NCKAP5: variants seen among roughly 807,000 people sequenced by gnomAD.
NCKAP5 encodes the protein nck-associated protein 5.
Under a neutral mutation model 167.0 loss-of-function variants are expected in NCKAP5, and 92 were observed. The observed-to-expected ratio is 0.55, with a 90% confidence interval of 0.47 to 0.66. NCKAP5 has a LOEUF of 0.66. NCKAP5 is among the 30% of genes least tolerant of loss of function. The probability of loss-of-function intolerance (pLI) is 0.00; values close to 1 mark genes in which losing one functional copy is unlikely to be tolerated. For missense variants in NCKAP5, 2,378 were observed against 2,315.0 expected (o/e 1.03, Z -0.56); for synonymous variants, 891 against 877.4 (o/e 1.02, Z -0.27).
At chr2:133,307,658 A>G (rs1425549165) in intron 3 of NCKAP5, among the ~76,000 whole-genome samples, 3 of 152,232 alleles carry the variant, frequency 2.0e-5, no homozygotes, top group Admixed American at 6.5e-5. Context: ...TAGCTCCTAT[A>G]TAACAAAGCA....
intron 4 of NCKAP5, among the ~76,000 whole-genome samples, chr2:133,291,753 A>C (rs1679617160): frequency 6.6e-6 from 1 of 152,134 alleles, no homozygotes; most frequent in African/African-American, 2.4e-5. Context: ...CACCCTCCAA[A>C]AGACGTTTGC....
chr2:132,931,397 C>A (rs868022697), intron 8 of NCKAP5: 1 of 152,120 alleles, frequency 6.6e-6, no homozygotes. Context: ...TCCCTTCTAC[C>A]ATGTGGCTGC....
At chr2:133,488,467 C>A (rs1681114054) in intron 3 of NCKAP5, among the ~76,000 whole-genome samples, 1 of 152,134 alleles carries the variant, frequency 6.6e-6, no homozygotes, top group African/African-American at 2.4e-5. Context: ...AACTGGGATT[C>A]CAATTTTATA....
intron 6 of NCKAP5, among the ~76,000 whole-genome samples, chr2:133,009,034 C>T (rs1007977396): frequency 6.6e-6 from 1 of 152,154 alleles, no homozygotes; most frequent in African/African-American, 2.4e-5. Flanking sequence ...TGGAGTGTCT[C>T]CTTAGTCCTG....
intron 11 of NCKAP5, among the ~76,000 whole-genome samples, chr2:132,847,062 A>G (rs921224889): frequency 6.6e-6 from 1 of 152,188 alleles, no homozygotes; most frequent in African/African-American, 2.4e-5. Context: ...TACTTTTAAA[A>G]AGTAGGAAAT....
At chr2:133,171,899 A>C (rs760953607) in intron 5 of NCKAP5, among the ~76,000 whole-genome samples, 4 of 152,236 alleles carry the variant, frequency 2.6e-5, no homozygotes, top group Admixed American at 6.5e-5. Context: ...TGGAGAACTA[A>C]TGCTGCTTTG....
rs890078096 is a variant in NCKAP5, at chr2:133,328,343, A to T, written c.70-25233T>A. 7.2e-5 allele frequency among the ~76,000 whole-genome samples: 11 copies of T among 152,220 alleles called. No homozygotes were observed. The South Asian group carries it at 1.0e-3, about 14-fold the overall frequency. On this transcript the variant is annotated intron_variant, in intron 3 of 19. Coordinates refer to ENST00000409261, the MANE Select transcript of NCKAP5 (RefSeq NM_207363.3). ...GCAACAGAGGAAGCAGAATATAGAG[A>T]GAGTTGACATAGACTGGGATTTTTA... is the stretch of plus-strand genomic sequence containing the variant.
the NCKAP5 span, among the ~76,000 whole-genome samples, chr2:133,613,928 A>G: frequency 1.8e-3 from 281 of 152,306 alleles, 5 homozygotes; most frequent in Admixed American, 0.016. Flanking sequence ...GTCCTATATG[A>G]GTCGTTGGAG....
chr2:133,517,407 T>C (rs898286998), intron 3 of NCKAP5, 51 bp downstream of exon 3: 5 of 989,244 alleles, frequency 5.1e-6, no homozygotes, highest in African/African-American at 1.7e-5. Flanking sequence ...CAAAGAATAA[T>C]GCATTCAAAG....
At chr2:132,730,370 CTG>C (rs1217517807) in intron 17 of NCKAP5, among the ~76,000 whole-genome samples, 2 of 152,174 alleles carry the variant, frequency 1.3e-5, no homozygotes, top group Non-Finnish European at 2.9e-5. Flanking sequence ...TGGCACATGA[CTG>C]TAATTCCAGC....
At chr2:133,587,218 T>C in the NCKAP5 span, among the ~76,000 whole-genome samples, 5 of 152,192 alleles carry the variant, frequency 3.3e-5, no homozygotes, top group African/African-American at 1.2e-4. Flanking sequence ...TTGCCAGGGC[T>C]GGAATGCTGG....
chr2:133,001,058 A>G (rs1451921717), intron 6 of NCKAP5, among the ~76,000 whole-genome samples: 1 of 152,142 alleles, frequency 6.6e-6, no homozygotes, highest in Non-Finnish European at 1.5e-5. Flanking sequence ...TTTGGACTGC[A>G]CAGGTTATAT....
At chr2:132,906,823 A>C (rs761811773) in intron 8 of NCKAP5, among the ~76,000 whole-genome samples, 1 of 152,252 alleles carries the variant, frequency 6.6e-6, no homozygotes, top group Non-Finnish European at 1.5e-5. Flanking sequence ...GAAAGAAGAC[A>C]TGAAAATTGA....
rs559680929 is a variant in NCKAP5 at position 133,491,782 on chromosome 2, A to G, written c.69+25676T>C. On this transcript the variant is annotated intron_variant, in intron 3 of 19. Coordinates refer to ENST00000409261, the MANE Select transcript of NCKAP5 (RefSeq NM_207363.3). ...CTAAAGCCACATGGGCAGAGCTGAG[A>G]TGGAGGCAAGAGACAGTAGTCACTT... Among the ~76,000 whole-genome samples, 3 of 152,308 alleles carry G rather than the reference A, an allele frequency of 2.0e-5. No individual in the cohort carries two copies. The South Asian group carries it at 6.2e-4, about 32-fold the overall frequency.
At position 132,989,075 on chromosome 2, in the gene NCKAP5, T is replaced by C. The variant is rs139183451; in HGVS notation, c.429+5077A>G. On this transcript the variant is annotated intron_variant, in intron 7 of 19. Transcript: ENST00000409261. Reference sequence around the variant, plus strand: ...TCAATTCATATTCCATACAGAAAAGTAGGAACAAGAGGAAGCATGGCGGCT... The same window carrying C: ...TCAATTCATATTCCATACAGAAAAGCAGGAACAAGAGGAAGCATGGCGGCT... 4.6e-3 allele frequency among the ~76,000 whole-genome samples: 699 copies of C among 152,288 alleles called. 4 individuals carry two copies. Among genetic ancestry groups the C allele is most frequent in the African/African-American group, 0.016 (662 of 41,558 alleles).
Position 133,304,345 on chromosome 2 carries a change from A to T in NCKAP5, c.70-1235T>A, listed in dbSNP as rs142096053. On this transcript the variant is annotated intron_variant, in intron 3 of 19. Coordinates refer to ENST00000409261, the MANE Select transcript of NCKAP5 (RefSeq NM_207363.3). ...AAATGTTTGTTAGACTAGAGGGTAT[A>T]CTAAGTCCTTGTCTAGCTAAAAACT... Among the ~76,000 whole-genome samples, 454 of 152,316 alleles carry T rather than the reference A, an allele frequency of 3.0e-3. 6 individuals carry two copies. The highest frequency in any genetic ancestry group is 0.01 in the African/African-American group (431 of 41,582).
chr2:132,830,530 G>A (rs1466040671), intron 11 of NCKAP5, among the ~76,000 whole-genome samples: 1 of 152,008 alleles, frequency 6.6e-6, no homozygotes, highest in African/African-American at 2.4e-5. Context: ...CAGCAGAAGA[G>A]GTATTTTGGG....
At chr2:133,003,166 C>T (rs2077847050) in intron 6 of NCKAP5, among the ~76,000 whole-genome samples, 1 of 152,196 alleles carries the variant, frequency 6.6e-6, no homozygotes, top group African/African-American at 2.4e-5. Context: ...CTAATCTCTG[C>T]CAAGACAGCC....
intron 7 of NCKAP5, among the ~76,000 whole-genome samples, chr2:132,964,672 A>C (rs756454784): frequency 1.3e-5 from 2 of 152,184 alleles, no homozygotes; most frequent in African/African-American, 2.4e-5. Flanking sequence ...ACATCCTTCC[A>C]TTACACTATT....
Sources: gnomAD v4.1 joint callset for allele counts (sites outside exome capture counted in the v4.1 genomes callset) on GRCh38, gnomAD v4.1.1 for gene constraint, MANE v1.5 for transcripts, NCBI Gene and HGNC (gene_info 2026-07-23, HGNC 2026-07-21) for gene names.